CDH13: variants seen among roughly 807,000 people sequenced by gnomAD.
The protein encoded by CDH13 is cadherin-13.
A neutral mutation model predicts 63.8 loss-of-function variants in CDH13; 24 were observed. That is an observed-to-expected ratio of 0.38 (90% CI 0.27 to 0.53). The LOEUF (loss-of-function observed/expected upper bound fraction) is 0.53. Among genes scored for constraint, CDH13 ranks in the 20% least tolerant of loss-of-function variants. CDH13 has a pLI of 0.85. For missense variants in CDH13, 1,049 were observed against 903.1 expected (o/e 1.16, Z -2.07); for synonymous variants, 503 against 355.3 (o/e 1.42, Z -4.67).
chr16:83,149,783 C>T (rs1156545409), intron 4 of CDH13, among the ~76,000 whole-genome samples: 2 of 152,302 alleles, frequency 1.3e-5, no homozygotes, highest in Non-Finnish European at 2.9e-5. Flanking sequence ...ACCAGCGGTA[C>T]ATATCTCTTC....
chr16:82,676,997 C>T (rs1371522584), intron 1 of CDH13, among the ~76,000 whole-genome samples: 1 of 152,298 alleles, frequency 6.6e-6, no homozygotes, highest in South Asian at 2.1e-4. Context: ...GATTCTCCTG[C>T]CTCAGCCTCT....
Position 83,486,493 on chromosome 16 carries a change from G to C in CDH13, c.798G>C (p.Arg266=), listed in dbSNP as rs753748151. ...CCCCGGTAGGCACCACAGTGATGCG[G>C]ATGACAGCCTTTGATGCAGATGACC... ...EGSPTGTTVM[R]MTAFDADDPA... Residue 266 remains arginine (R), a synonymous_variant, in exon 7 of 14, where the codon CGG becomes CGC. Coordinates refer to ENST00000567109, the MANE Select transcript of CDH13 (RefSeq NM_001257.5). 6 of 1,613,406 alleles carry C rather than the reference G, an allele frequency of 3.7e-6. No homozygotes were observed. The Admixed American group carries it at 1.0e-4, about 27-fold the overall frequency.
At chr16:83,016,085 A>G (rs1465989887) in intron 2 of CDH13, among the ~76,000 whole-genome samples, 2 of 152,140 alleles carry the variant, frequency 1.3e-5, no homozygotes, top group Non-Finnish European at 1.5e-5. Context: ...CTTCATTCCC[A>G]TGAGACTGGA....
intron 7 of CDH13, among the ~76,000 whole-genome samples, chr16:83,492,358 C>A (rs570303650): frequency 6.6e-6 from 1 of 152,256 alleles, no homozygotes; most frequent in South Asian, 2.1e-4. Context: ...AGTAATTACA[C>A]ACAATTCAAT....
chr16:82,817,299 T>G (rs944685401), intron 1 of CDH13, among the ~76,000 whole-genome samples: 1 of 152,104 alleles, frequency 6.6e-6, no homozygotes, highest in African/African-American at 2.4e-5. Flanking sequence ...TATGGCTCTG[T>G]GCATTAATGA....
chr16:82,712,080 T>C (rs1009229500), intron 1 of CDH13, among the ~76,000 whole-genome samples: 7 of 152,156 alleles, frequency 4.6e-5, no homozygotes, highest in Non-Finnish European at 8.8e-5. Flanking sequence ...TATCATATTA[T>C]TTCGTCCAAA....
intron 1 of CDH13, among the ~76,000 whole-genome samples, chr16:82,707,348 T>C (rs1416010292): frequency 2.0e-5 from 3 of 152,180 alleles, no homozygotes; most frequent in Non-Finnish European, 4.4e-5. Flanking sequence ...GACATGATCT[T>C]ACACATATTT....
rs143002789 is a variant in CDH13 at position 82,778,729 on chromosome 16, C to A, written c.46-79633C>A. 2.0e-3 allele frequency among the ~76,000 whole-genome samples: 303 copies of A among 152,162 alleles called. 2 individuals carry two copies. Among genetic ancestry groups the A allele is most frequent in the African/African-American group, 6.9e-3 (287 of 41,506 alleles). ...GATTTGAACTCATACCTATCTAGAG[C>A]CCTCATTATGAACAACAGCTTTAAA... On this transcript the variant is annotated intron_variant, in intron 1 of 13. Coordinates refer to ENST00000567109, the MANE Select transcript of CDH13 (RefSeq NM_001257.5).
Position 82,722,140 on chromosome 16 carries a change from A to G in CDH13, c.45+95003A>G, listed in dbSNP as rs533186303. On this transcript the variant is annotated intron_variant, in intron 1 of 13. Transcript: ENST00000567109. ...GTTGTTTCAATTTAATTCAGTAAGC[A>G]TTGGAGATGTATTTTCATCAGAACC... Among the ~76,000 whole-genome samples the G allele has an allele frequency of 7.9e-5, 12 of 152,274 alleles. No individual in the cohort carries two copies. The East Asian group carries it at 1.5e-3, about 20-fold the overall frequency.
chr16:83,481,554 G>C (rs2073763897), intron 6 of CDH13, among the ~76,000 whole-genome samples: 1 of 152,190 alleles, frequency 6.6e-6, no homozygotes, highest in Non-Finnish European at 1.5e-5. Context: ...GCAGTCAGGA[G>C]GAAGGGGCTA....
chr16:83,123,433 C>A (rs1164938048), intron 3 of CDH13, among the ~76,000 whole-genome samples: 1 of 152,046 alleles, frequency 6.6e-6, no homozygotes, highest in Non-Finnish European at 1.5e-5. Context: ...GCATGCACCA[C>A]CATGCCCGGC....
At chr16:83,197,123 T>C (rs2038899622) in intron 4 of CDH13, among the ~76,000 whole-genome samples, 1 of 152,212 alleles carries the variant, frequency 6.6e-6, no homozygotes, top group Non-Finnish European at 1.5e-5. Flanking sequence ...GAATGAATTA[T>C]TGATACACAG....
intron 1 of CDH13, among the ~76,000 whole-genome samples, chr16:82,715,150 C>T (rs1486919868): frequency 1.3e-5 from 2 of 151,154 alleles, no homozygotes; most frequent in East Asian, 2.0e-4. Context: ...TCACTCAGTT[C>T]ATGCCCAGTT....
At chr16:83,129,591 C>A (rs1034714474) in intron 4 of CDH13, among the ~76,000 whole-genome samples, 2 of 152,182 alleles carry the variant, frequency 1.3e-5, no homozygotes, top group African/African-American at 4.8e-5. Flanking sequence ...CAGGGGATGG[C>A]ACTGGGATAC....
chr16:83,744,522 C>T (rs1190495161), intron 10 of CDH13, among the ~76,000 whole-genome samples: 1 of 152,222 alleles, frequency 6.6e-6, no homozygotes, highest in Non-Finnish European at 1.5e-5. Context: ...ATCCGTTCTC[C>T]CCATCTGTCC....
At chr16:82,842,247 T>G (rs1215934407) in intron 1 of CDH13, among the ~76,000 whole-genome samples, 1 of 150,620 alleles carries the variant, frequency 6.6e-6, no homozygotes, top group Non-Finnish European at 1.5e-5. Flanking sequence ...AAAAAGTTGT[T>G]ATCAAAGACA....
At chr16:83,560,296 T>C (rs1314028464) in intron 7 of CDH13, among the ~76,000 whole-genome samples, 1 of 152,200 alleles carries the variant, frequency 6.6e-6, no homozygotes, top group East Asian at 1.9e-4. Context: ...GCTACAAAGA[T>C]AAAAGTTGCA....
chr16:83,298,470 C>T (rs1304941717), intron 5 of CDH13, among the ~76,000 whole-genome samples: 1 of 152,110 alleles, frequency 6.6e-6, no homozygotes, highest in East Asian at 1.9e-4. Context: ...CTACCTCAAG[C>T]CTGCAAAAAT....
chr16:83,756,521 A>T (rs1186617249), intron 11 of CDH13, among the ~76,000 whole-genome samples: 1 of 152,230 alleles, frequency 6.6e-6, no homozygotes, highest in Non-Finnish European at 1.5e-5. Context: ...ACAAATTTTT[A>T]AACTTTCTTT....
Sources: allele counts gnomAD v4.1 joint callset (sites outside exome capture counted in the v4.1 genomes callset), GRCh38; gene constraint gnomAD v4.1.1; transcripts MANE v1.5; gene names NCBI Gene and HGNC (gene_info 2026-07-23, HGNC 2026-07-21).